The following DDX17 variants were observed in gnomAD, a reference collection of about 807,000 sequenced individuals.
DDX17 encodes the protein probable ATP-dependent RNA helicase DDX17.
In DDX17, 10 loss-of-function variants were observed where a neutral mutation model predicts 80.8. That is an observed-to-expected ratio of 0.12 (90% CI 0.08 to 0.21). The LOEUF is 0.21. DDX17 is among the 10% of genes least tolerant of loss of function. The pLI, the probability that DDX17 is intolerant of heterozygous loss-of-function variation, is 1.00. For synonymous variants in DDX17, 339 were observed against 336.2 expected, an observed-to-expected ratio of 1.01 and a Z score of -0.09; for missense variants, 586 against 957.4, an observed-to-expected ratio of 0.61 and a Z score of 5.12.
Position 38,484,287 on chromosome 22 carries a change from AAAATTAAAAAAAAAGATGTC to A in DDX17, c.*1628_*1647del, listed in dbSNP as rs1355473287. The stretch of plus-strand genomic sequence containing the variant: ...AGAAGTAAAGTTAAGAAGAAAGTGG[AAAATTAAAAAAAAAGATGTC>A]AAAGTTTTTACATGCATATATTTCA... On this transcript the variant is annotated 3_prime_UTR_variant, in exon 13 of 13. Coordinates refer to ENST00000403230, the MANE Select transcript of DDX17 (RefSeq NM_006386.5). The A allele has an allele frequency of 6.6e-6, 1 of 152,606 alleles. No homozygotes were observed. 9.5% of individuals were successfully genotyped at this position (152,606 alleles called of 1,614,324 possible). A position where few individuals can be genotyped will look rare whatever the true frequency, so the allele number is the denominator to read the frequency against.
At chr22:38,504,031 A>G (rs1019839220) in intron 1 of DDX17, among the ~76,000 whole-genome samples, 32 of 152,256 alleles carry the variant, frequency 2.1e-4, no homozygotes, top group Admixed American at 6.5e-5. Flanking sequence ...TAAAGCATAT[A>G]TATGGTGAAA....
At chr22:38,495,124 G>A (rs2089747457) in intron 6 of DDX17, 78 bp from the exon 7 acceptor site, 3 of 1,449,944 alleles carry the variant, frequency 2.1e-6, no homozygotes, top group Admixed American at 2.2e-5. Context: ...TTTGGGAAGA[G>A]GAGGCGGGAA....
At chr22:38,493,851 G>C (rs769953033) in intron 9 of DDX17, 80 bp from the exon 10 acceptor site, 9 of 1,439,904 alleles carry the variant, frequency 6.3e-6, no homozygotes, top group Non-Finnish European at 8.8e-6. Flanking sequence ...ATGCTATCAT[G>C]CAATTTTTGT....
intron 1 of DDX17, among the ~76,000 whole-genome samples, chr22:38,502,456 T>C (rs1237327268): frequency 1.3e-5 from 2 of 151,886 alleles, no homozygotes; most frequent in African/African-American, 4.8e-5. Context: ...GACCTTTCCT[T>C]CTTCTTTGAT....
intron 11 of DDX17, chr22:38,490,144 ATT>A: frequency 8.6e-7 from 1 of 1,157,614 alleles, no homozygotes; most frequent in Non-Finnish European, 1.1e-6. Flanking sequence ...CAAGCGCAGA[ATT>A]TGGTTTTCTC....
intron 8 of DDX17, 58 bp from the exon 9 acceptor site, chr22:38,494,189 T>C (rs1304244758): frequency 4.3e-6 from 5 of 1,170,304 alleles, no homozygotes; most frequent in South Asian, 1.3e-5. Context: ...TGGACGATTA[T>C]GTCTGCAATA....
At chr22:38,493,939 T>C in intron 9 of DDX17, 82 bp downstream of exon 9, 2 of 1,276,594 alleles carry the variant, frequency 1.6e-6, no homozygotes, top group Non-Finnish European at 2.2e-6. Flanking sequence ...TATTGAAATA[T>C]TACACAACAT....
At chr22:38,505,143 C>A in intron 1 of DDX17, 1 of 152,244 alleles carries the variant, frequency 6.6e-6, no homozygotes, top group Non-Finnish European at 1.5e-5. Context: ...TCCTGACCTC[C>A]GGTGATCCGC....
Position 38,485,694 on chromosome 22 carries a change from ATTTT to A in DDX17, c.*237_*240del, listed in dbSNP as rs60461740. 0.09 allele frequency: 13,178 copies of A among 146,070 alleles called. 1,281 individuals carry two copies. Among genetic ancestry groups the A allele is most frequent in the South Asian group, 0.16 (828 of 5,284 alleles). 9.0% of individuals were successfully genotyped at this position (146,070 alleles called of 1,614,324 possible). On this transcript the variant is annotated 3_prime_UTR_variant, in exon 13 of 13. Coordinates refer to ENST00000403230, the MANE Select transcript of DDX17 (RefSeq NM_006386.5). ...CAGTCAGCTATATATATATATATAT[ATTTT>A]TTTTTTTTTTACAAAATGTTATTCC...
At chr22:38,499,567 C>T (rs2089806184) in intron 2 of DDX17, 68 bp from the exon 3 acceptor site, 3 of 1,275,254 alleles carry the variant, frequency 2.4e-6, no homozygotes, top group Non-Finnish European at 3.4e-6. Flanking sequence ...ATGTTCCAAG[C>T]TAGCTGAGCA....
At chr22:38,499,537 A>T (rs1215484427) in intron 2 of DDX17, 38 bp from the exon 3 acceptor site, 4 of 1,462,500 alleles carry the variant, frequency 2.7e-6, no homozygotes, top group Non-Finnish European at 9.6e-7. Context: ...TAAACTAGTT[A>T]TTCTAAACAT....
rs1013629837 is a variant in DDX17 at position 38,494,978 on chromosome 22, G to A, written c.949C>T (p.Arg317Cys). The A allele has an allele frequency of 5.0e-6, 8 of 1,614,050 alleles. No homozygotes were observed. The highest frequency in any genetic ancestry group is 3.3e-5 in the Admixed American group (2 of 59,994). Residue 317 changes from arginine to cysteine, a missense_variant, in exon 7 of 13, where the codon CGC (arginine) becomes TGC (cysteine). This residue lies in a region of DDX17 where 141 missense variants were observed against 379.3 expected (regional missense o/e 0.37). Coordinates refer to ENST00000403230, the MANE Select transcript of DDX17 (RefSeq NM_006386.5). ...TCCAATACAAGGTAAGTACATCGGC[G>A]AAGATTTGTCTTTCCTGACTCCAGG...
In DDX17 at chr22:38,489,746, C is replaced by T. The variant is rs1394525011; in HGVS notation, c.1448-1631G>A. 3.0e-6 allele frequency: 3 copies of T among 985,274 alleles called. No homozygotes were observed. The highest frequency in any genetic ancestry group is 9.4e-5 in the South Asian group (2 of 21,280). 61.0% of individuals were successfully genotyped at this position (985,274 alleles called of 1,614,324 possible). On this transcript the variant is annotated intron_variant, in intron 11 of 12. Coordinates refer to ENST00000403230, the MANE Select transcript of DDX17 (RefSeq NM_006386.5). The surrounding 1 kb of genome is among the most constrained non-coding windows in gnomAD (Gnocchi z 4.6). Reference sequence around the variant, plus strand: ...AAAGTCCTGAATCACACCAGAAAGACGAGAAGGCACTTATCACAGGGGGCA... The same window carrying T: ...AAAGTCCTGAATCACACCAGAAAGATGAGAAGGCACTTATCACAGGGGGCA...
intron 1 of DDX17, among the ~76,000 whole-genome samples, chr22:38,502,723 C>T (rs1569143655): frequency 6.6e-6 from 1 of 152,150 alleles, no homozygotes; most frequent in Non-Finnish European, 1.5e-5. Context: ...CCTTAATTTT[C>T]CCTATTTCGA....
Position 38,494,625 on chromosome 22 carries a change from C to T in DDX17, c.1214+5G>A. The T allele has an allele frequency of 6.2e-7, 1 of 1,613,224 alleles. No individual in the cohort carries two copies. Among genetic ancestry groups the T allele is most frequent in the Non-Finnish European group, 8.5e-7 (1 of 1,179,498 alleles). ...TATCAAATCAGAGTAAAATATCTTT[C>T]ATACTTGTGGTCTTTTTCACTTTCC... On this transcript the variant is annotated splice_donor_5th_base_variant and intron_variant, in intron 8 of 12. Coordinates refer to ENST00000403230, the MANE Select transcript of DDX17 (RefSeq NM_006386.5).
chr22:38,495,979 T>TAAAAAAAAAAAAAAAAAAAAAA (rs201173235), intron 5 of DDX17, 42 bp from the exon 6 acceptor site: 1 of 761,442 alleles, frequency 1.3e-6, no homozygotes, highest in African/African-American at 2.2e-5. Context: ...ATCCAAGGTT[T>TAAAAAAAAAAAAAAAAAAAAAA]AAAAAAAAAA....
chr22:38,506,276 G>T lies in DDX17; in HGVS notation c.-39C>A. 6.5e-7 allele frequency: 1 copy of T among 1,544,662 alleles called. No individual in the cohort carries two copies. Among genetic ancestry groups the T allele is most frequent in the Non-Finnish European group, 8.7e-7 (1 of 1,149,706 alleles). ...CAAACCGGGCAGTGCCGCGGTTTAG[G>T]CGTCTCCTTCCTTCCCAGCGACTGC... On this transcript the variant is annotated 5_prime_UTR_variant, in exon 1 of 13. Coordinates refer to ENST00000403230, the MANE Select transcript of DDX17 (RefSeq NM_006386.5).
At position 38,495,851 on chromosome 22, in the gene DDX17, A is replaced by G; in HGVS notation, c.825T>C (p.Ser275=). 2 of 1,611,748 alleles carry G rather than the reference A, an allele frequency of 1.2e-6. No homozygotes were observed. The highest frequency in any genetic ancestry group is 1.7e-6 in the Non-Finnish European group (2 of 1,178,900). ...TAGGAGCACCTCCATAAATACAAGT[A>G]CTCTTCAATCTAGAACATTTGCCAT... is the stretch of plus-strand genomic sequence containing the variant. Residue 275 remains serine, a synonymous_variant, in exon 6 of 13, where the codon AGT becomes AGC. Transcript: ENST00000403230.
chr22:38,487,259 C>T (rs535924256), intron 12 of DDX17, among the ~76,000 whole-genome samples: 2 of 152,154 alleles, frequency 1.3e-5, no homozygotes, highest in Admixed American at 6.5e-5. Flanking sequence ...CTTTGGGAGG[C>T]CAAGACAGGT....
Sources: allele counts gnomAD v4.1 joint callset (sites outside exome capture counted in the v4.1 genomes callset), GRCh38; gene constraint gnomAD v4.1.1; regional missense constraint gnomAD v4.1.1; non-coding constraint Gnocchi (gnomAD v3.1); transcripts MANE v1.5; gene names NCBI Gene and HGNC (gene_info 2026-07-23, HGNC 2026-07-21).